The following SEPTIN11 variants were observed in gnomAD, a reference collection of about 807,000 sequenced individuals.
SEPTIN11 encodes the protein septin 11.
Under a neutral mutation model 51.4 loss-of-function variants are expected in SEPTIN11, and 25 were observed. The ratio of observed to expected loss-of-function variants is 0.49; its 90% CI spans 0.35 to 0.68. The LOEUF (loss-of-function observed/expected upper bound fraction) is 0.68. Among genes scored for constraint, SEPTIN11 ranks in the 30% least tolerant of loss-of-function variants. The pLI is 0.00. For missense variants in SEPTIN11, 381 were observed against 520.8 expected, an observed-to-expected ratio of 0.73 and a Z score of 2.61; for synonymous variants, 174 against 184.1, an observed-to-expected ratio of 0.95 and a Z score of 0.44.
downstream of SEPTIN11, chr4:77,039,277 G>GC: frequency 8.9e-7 from 1 of 1,126,114 alleles, no homozygotes; most frequent in Non-Finnish European, 1.1e-6. Context: ...GGATACTGAA[G>GC]TGACTTACCA....
intron 5 of SEPTIN11, among the ~76,000 whole-genome samples, chr4:77,017,053 A>C (rs1342309730): frequency 6.6e-6 from 1 of 152,152 alleles, no homozygotes; most frequent in African/African-American, 2.4e-5. Context: ...TCAAAATCTC[A>C]AACTGAGATG....
At chr4:77,010,117 C>T (rs1724758008) in intron 3 of SEPTIN11, 1 of 152,000 alleles carries the variant, frequency 6.6e-6, no homozygotes, top group Non-Finnish European at 1.5e-5. Flanking sequence ...ACATGTATTG[C>T]ATGTATTGGC....
At chr4:76,975,408 A>T (rs1458343684) in intron 1 of SEPTIN11, among the ~76,000 whole-genome samples, 2 of 152,200 alleles carry the variant, frequency 1.3e-5, no homozygotes, top group African/African-American at 4.8e-5. Context: ...TGCAACTTCA[A>T]TCCGCTTCTA....
At chr4:76,985,346 G>C (rs1336684937) in intron 1 of SEPTIN11, among the ~76,000 whole-genome samples, 1 of 152,216 alleles carries the variant, frequency 6.6e-6, no homozygotes, top group Non-Finnish European at 1.5e-5. Flanking sequence ...TTTCACACTT[G>C]GTGGTTGTTT....
chr4:76,969,230 T>C (rs1172587086), intron 1 of SEPTIN11, among the ~76,000 whole-genome samples: 4 of 152,186 alleles, frequency 2.6e-5, no homozygotes, highest in Non-Finnish European at 5.9e-5. Context: ...ACAACTTGCA[T>C]TGAGGATCTG....
At chr4:77,028,931 T>G (rs1345754545) in intron 8 of SEPTIN11, among the ~76,000 whole-genome samples, 170 bp downstream of exon 8, 1 of 152,206 alleles carries the variant, frequency 6.6e-6, no homozygotes, top group Non-Finnish European at 1.5e-5. Context: ...ATCCCTGTCT[T>G]ACAGATGATA....
chr4:77,029,807 C>A (rs1027724952), intron 8 of SEPTIN11, among the ~76,000 whole-genome samples: 2 of 149,440 alleles, frequency 1.3e-5, no homozygotes, highest in Admixed American at 6.6e-5. Flanking sequence ...CATATACACA[C>A]ATATATACAT....
At chr4:76,971,209 A>G (rs1028911285) in intron 1 of SEPTIN11, among the ~76,000 whole-genome samples, 1 of 152,214 alleles carries the variant, frequency 6.6e-6, no homozygotes, top group Non-Finnish European at 1.5e-5. Flanking sequence ...CATAGTTTCA[A>G]TATAGTTCCA....
At chr4:76,971,075 T>G (rs1047134321) in intron 1 of SEPTIN11, among the ~76,000 whole-genome samples, 3 of 152,348 alleles carry the variant, frequency 2.0e-5, no homozygotes, top group African/African-American at 7.2e-5. Context: ...GATATCTGTA[T>G]GTATATCTTA....
At chr4:76,980,665 A>G (rs1560706717) in intron 1 of SEPTIN11, among the ~76,000 whole-genome samples, 1 of 152,210 alleles carries the variant, frequency 6.6e-6, no homozygotes, top group Admixed American at 6.5e-5. Context: ...CAAATGGGAA[A>G]GTAGTTCTTG....
Position 76,983,703 on chromosome 4 carries a change from A to G in SEPTIN11, c.28-12722A>G, listed in dbSNP as rs904363189. On this transcript the variant is annotated intron_variant, in intron 1 of 9. Coordinates refer to ENST00000264893, the MANE Select transcript of SEPTIN11 (RefSeq NM_018243.4). ...TGATATTGTTTTATCCAGGGTTGAG[A>G]TTAAGACACAGTAGAACTCTTAGAG... is the stretch of plus-strand genomic sequence containing the variant. 5.9e-5 allele frequency among the ~76,000 whole-genome samples: 9 copies of G among 152,286 alleles called. No homozygotes were observed. In the South Asian group the frequency reaches 1.9e-3, roughly 32 times the overall value.
chr4:77,023,680 C>T (rs544927923), intron 7 of SEPTIN11, among the ~76,000 whole-genome samples: 2 of 152,174 alleles, frequency 1.3e-5, no homozygotes, highest in Admixed American at 6.5e-5. Context: ...TCTTGGAAAC[C>T]ACTACTTTTA....
intron 1 of SEPTIN11, among the ~76,000 whole-genome samples, chr4:76,959,453 G>A (rs541132099): frequency 4.0e-5 from 6 of 151,752 alleles, no homozygotes; most frequent in East Asian, 1.9e-4. Context: ...AATTTGTATC[G>A]CATCACCTAG....
intron 1 of SEPTIN11, among the ~76,000 whole-genome samples, chr4:76,976,698 C>A (rs1722518656): frequency 6.6e-6 from 1 of 152,240 alleles, no homozygotes; most frequent in Non-Finnish European, 1.5e-5. Flanking sequence ...TGACCCAATA[C>A]CTCTAGTGAG....
intron 5 of SEPTIN11, among the ~76,000 whole-genome samples, chr4:77,016,633 C>CATATATAGATATATATATATATAT (rs1725289673): frequency 1.4e-5 from 1 of 72,746 alleles, no homozygotes; most frequent in Non-Finnish European, 2.7e-5. Flanking sequence ...TATATATACA[C>CATATATAGATATATATATATATAT]ATATATATAT....
chr4:77,008,988 ATC>A (rs1724678671), intron 3 of SEPTIN11, among the ~76,000 whole-genome samples: 1 of 152,230 alleles, frequency 6.6e-6, no homozygotes, highest in Non-Finnish European at 1.5e-5. Context: ...AATTCATCTC[ATC>A]TACAGGATGA....
chr4:77,022,054 C>T (rs1725757865), intron 7 of SEPTIN11, among the ~76,000 whole-genome samples: 1 of 152,182 alleles, frequency 6.6e-6, no homozygotes, highest in Admixed American at 6.5e-5. Flanking sequence ...TTTTTGTGTA[C>T]ACAGGTTTAG....
intron 1 of SEPTIN11, chr4:76,973,212 A>G (rs1371983603): frequency 6.6e-6 from 1 of 152,112 alleles, no homozygotes; most frequent in Non-Finnish European, 1.5e-5. Flanking sequence ...AAAAAGTCAA[A>G]GCTCCATCTC....
At chr4:77,012,925 AC>A (rs1187400572) in intron 4 of SEPTIN11, among the ~76,000 whole-genome samples, 2 of 151,862 alleles carry the variant, frequency 1.3e-5, no homozygotes, top group Non-Finnish European at 2.9e-5. Flanking sequence ...ATAAATAGAA[AC>A]CCTCCTTCAT....
Sources: allele counts gnomAD v4.1 joint callset (sites outside exome capture counted in the v4.1 genomes callset), GRCh38; gene constraint gnomAD v4.1.1; transcripts MANE v1.5; gene names NCBI Gene and HGNC (gene_info 2026-07-23, HGNC 2026-07-21).